The following B4GALNT3 variants were observed in gnomAD, a reference collection of about 807,000 sequenced individuals.
B4GALNT3 encodes the protein beta-1,4-N-acetylgalactosaminyltransferase 3.
Under a neutral mutation model 120.2 loss-of-function variants are expected in B4GALNT3, and 86 were observed. That is an observed-to-expected ratio of 0.72 (90% CI 0.60 to 0.86). The LOEUF (loss-of-function observed/expected upper bound fraction) is 0.86, where lower values mean the gene tolerates loss of function less well. B4GALNT3 is among the 40% of genes least tolerant of loss of function. The probability of loss-of-function intolerance (pLI) is 0.00; values close to 1 mark genes in which losing one functional copy is unlikely to be tolerated. For synonymous variants in B4GALNT3, 518 were observed against 510.4 expected, an observed-to-expected ratio of 1.01 and a Z score of -0.20; for missense variants, 1,167 against 1,298.9, an observed-to-expected ratio of 0.90 and a Z score of 1.56.
chr12:510,649 G>A (rs1402379914), intron 1 of B4GALNT3, among the ~76,000 whole-genome samples: 2 of 152,020 alleles, frequency 1.3e-5, no homozygotes, highest in Non-Finnish European at 2.9e-5. Flanking sequence ...AGGGAGGGGC[G>A]GGGCAAACCC....
rs76938575 is a variant in B4GALNT3, at chr12:507,616, C to T, written c.170-27550C>T. On this transcript the variant is annotated intron_variant, in intron 1 of 19. Transcript: ENST00000266383. Reference sequence around the variant, plus strand: ...ACATCCCTCACCCCACACCCTACGCCCTGCGAGTGGCTCTGTGTTTACATA... The same window carrying T: ...ACATCCCTCACCCCACACCCTACGCTCTGCGAGTGGCTCTGTGTTTACATA... Among the ~76,000 whole-genome samples, 94 of 152,352 alleles carry T rather than the reference C, an allele frequency of 6.2e-4. No homozygotes were observed. In the East Asian group the frequency reaches 0.014, roughly 23 times the overall value.
intron 1 of B4GALNT3, among the ~76,000 whole-genome samples, chr12:511,366 A>C (rs61472199): frequency 0.15 from 3,538 of 23,692 alleles, 12 homozygotes; most frequent in African/African-American, 0.24. Flanking sequence ...TTCCACCTTC[A>C]ACCTTCCGCC....
chr12:460,492 T>C lies in B4GALNT3; in HGVS notation c.116T>C (p.Leu39Pro). 1.3e-6 allele frequency: 2 copies of C among 1,585,760 alleles called. No individual in the cohort carries two copies. Among genetic ancestry groups the C allele is most frequent in the Non-Finnish European group, 1.7e-6 (2 of 1,166,862 alleles). Reference protein sequence around the residue: ...LAVVSVGLWTLYLELVASAQV... With the variant: ...LAVVSVGLWTPYLELVASAQV... Reference sequence around the variant, plus strand: ...GTGGTGTCTGTGGGGCTCTGGACTCTGTATCTGGAACTGGTGGCGTCGGCC... The same window carrying C: ...GTGGTGTCTGTGGGGCTCTGGACTCCGTATCTGGAACTGGTGGCGTCGGCC... Residue 39 changes from leucine to proline, a missense_variant, in exon 1 of 20, where the codon CTG (leucine) becomes CCG (proline). This residue lies in a region of B4GALNT3 where 171 missense variants were observed against 161.3 expected (regional missense o/e 1.06). Coordinates refer to ENST00000266383, the MANE Select transcript of B4GALNT3 (RefSeq NM_173593.4). The surrounding 1 kb of genome is among the most constrained non-coding windows in gnomAD (Gnocchi z 8.0).
chr12:470,490 G>T (rs796965849), intron 1 of B4GALNT3, among the ~76,000 whole-genome samples: 1 of 152,246 alleles, frequency 6.6e-6, no homozygotes, highest in Non-Finnish European at 1.5e-5. Flanking sequence ...GGATGAGGAC[G>T]TGGAGGATTC....
chr12:522,355 T>G (rs776299254), intron 1 of B4GALNT3, among the ~76,000 whole-genome samples: 4 of 152,172 alleles, frequency 2.6e-5, no homozygotes, highest in Non-Finnish European at 5.9e-5. Context: ...TTCTGACACA[T>G]GCCACAACAT....
rs1046069198 is a variant in B4GALNT3 at position 549,633 on chromosome 12, T to A, written c.854-136T>A. On this transcript the variant is annotated intron_variant, in intron 9 of 19. Transcript: ENST00000266383. ...CCGCTGTGGCGGGGGCCAGAGGGAGTGTGGCTGCGCACATCCTACACCGTC... is the reference window on the plus strand; with the variant it reads ...CCGCTGTGGCGGGGGCCAGAGGGAGAGTGGCTGCGCACATCCTACACCGTC... The A allele has an allele frequency of 7.2e-6, 8 of 1,111,254 alleles. No homozygotes were observed. In the South Asian group the frequency reaches 1.1e-4, roughly 15 times the overall value. The allele number at this position is 1,111,254 out of a possible 1,614,324, so 68.8% of individuals were successfully genotyped here.
chr12:511,495 A>ACCTTCCGCCTTCCG (rs1421899034), intron 1 of B4GALNT3, among the ~76,000 whole-genome samples: 6 of 64,760 alleles, frequency 9.3e-5, no homozygotes, highest in Non-Finnish European at 1.1e-4. Context: ...TCCACCTTCC[A>ACCTTCCGCCTTCCG]CCTTCCACCT....
chr12:557,937 TCTTCTATGCCTGCCAA>T, intron 16 of B4GALNT3, 63 bp from the exon 17 acceptor site: 1 of 1,537,950 alleles, frequency 6.5e-7, no homozygotes, highest in Non-Finnish European at 9.0e-7. Flanking sequence ...ACATCATCTC[TCTTCTATGCCTGCCAA>T]CTTCCTCCAG....
intron 1 of B4GALNT3, among the ~76,000 whole-genome samples, chr12:477,939 G>T (rs924985026): frequency 1.2e-4 from 18 of 152,104 alleles, no homozygotes; most frequent in African/African-American, 3.6e-4. Flanking sequence ...CAACAAATAG[G>T]TTCAGAACAT....
At position 553,583 on chromosome 12, in the gene B4GALNT3, G is replaced by A; in HGVS notation, c.1660G>A (p.Asp554Asn). 1 of 1,613,980 alleles carries A rather than the reference G, an allele frequency of 6.2e-7. No individual in the cohort carries two copies. The highest frequency in any genetic ancestry group is 8.5e-7 in the Non-Finnish European group (1 of 1,179,916). Residue 554 changes from aspartate (D) to asparagine (N), a missense_variant, in exon 14 of 20, where the codon GAC (aspartate) becomes AAC (asparagine). Physicochemically the swap from Asp to Asn is conservative, Grantham distance 23. Transcript: ENST00000266383. ...GGGGCCCAGGCCCAGGCCCGCTGGTGACAGCCCCAGGAAGACTCAGTGGCT... is the reference window on the plus strand; with the variant it reads ...GGGGCCCAGGCCCAGGCCCGCTGGTAACAGCCCCAGGAAGACTCAGTGGCT... ...MRGPRPRPAG[D>N]SPRKTQWLNQ...
chr12:548,408 T>C lies in B4GALNT3; in HGVS notation c.853+111T>C. On this transcript the variant is annotated intron_variant, in intron 9 of 19. Transcript: ENST00000266383. The surrounding 1 kb of genome is among the most constrained non-coding windows in gnomAD (Gnocchi z 4.9). ...AGGGGAGGAAGGAAGCTCGAGATGC[T>C]TGGGACACGGGTATGAAGGGGTCCA... 1 of 992,068 alleles carries C rather than the reference T, an allele frequency of 1.0e-6. No homozygotes were observed. The highest frequency in any genetic ancestry group is 1.4e-5 in the South Asian group (1 of 72,962). 61.5% of individuals were successfully genotyped at this position (992,068 alleles called of 1,614,324 possible). A position where few individuals can be genotyped will look rare whatever the true frequency, so the allele number is the denominator to read the frequency against.
intron 1 of B4GALNT3, among the ~76,000 whole-genome samples, chr12:487,755 A>G (rs541366001): frequency 6.6e-6 from 1 of 151,590 alleles, no homozygotes; most frequent in South Asian, 2.1e-4. Context: ...GACCAAGAAG[A>G]ACAGCCTGGG....
intron 14 of B4GALNT3, among the ~76,000 whole-genome samples, chr12:555,828 A>C (rs1036428786): frequency 2.0e-5 from 3 of 151,592 alleles, no homozygotes; most frequent in Non-Finnish European, 4.4e-5. Flanking sequence ...TCTGTCGCCC[A>C]GGCTGGAGTG....
chr12:545,984 ATGAGAGGAGTGGGGAGG>A lies in B4GALNT3; in HGVS notation c.639+531_639+547del, dbSNP rs1322870743. Among the ~76,000 whole-genome samples the A allele has an allele frequency of 2.3e-3, 18 of 7,690 alleles. 1 individual carries two copies. The highest frequency in any genetic ancestry group is 8.9e-3 in the African/African-American group (16 of 1,800). 5.0% of individuals were successfully genotyped at this position (7,690 alleles called of 152,430 possible). On this transcript the variant is annotated intron_variant, in intron 6 of 19. Coordinates refer to ENST00000266383, the MANE Select transcript of B4GALNT3 (RefSeq NM_173593.4). ...GTGGGGAGGTGAGAGGAGTGGGGAGATGAGAGGAGTGGGGAGGTGAGAGGAGTGGGGAAGAGTGAGGA... is the reference window on the plus strand; with the variant it reads ...GTGGGGAGGTGAGAGGAGTGGGGAGATGAGAGGAGTGGGGAAGAGTGAGGA...
chr12:551,091 T>C, intron 11 of B4GALNT3, 60 bp downstream of exon 11: 1 of 1,412,232 alleles, frequency 7.1e-7, no homozygotes, highest in South Asian at 1.2e-5. Context: ...TGCCTGTGAC[T>C]GGGATGGGAG....
At chr12:483,312 A>G (rs541462777) in intron 1 of B4GALNT3, among the ~76,000 whole-genome samples, 2 of 152,342 alleles carry the variant, frequency 1.3e-5, no homozygotes, top group African/African-American at 4.8e-5. Flanking sequence ...AGCTAGAGAA[A>G]AGTGGCCTGT....
Position 541,851 on chromosome 12 carries a change from A to AC in B4GALNT3, c.352-2479dup, listed in dbSNP as rs1362289154. 8.0e-3 allele frequency among the ~76,000 whole-genome samples: 454 copies of AC among 56,788 alleles called. 1 individual carries two copies. Among genetic ancestry groups the AC allele is most frequent in the Admixed American group, 0.018 (106 of 5,920 alleles). 37.3% of individuals were successfully genotyped at this position (56,788 alleles called of 152,430 possible). The stretch of plus-strand genomic sequence containing the variant: ...CCAGTCCCCCCCCTCACCCCCCCCC[A>AC]CCCCCCCCCACCCCCCGGCCTCTGG... On this transcript the variant is annotated intron_variant, in intron 3 of 19. Coordinates refer to ENST00000266383, the MANE Select transcript of B4GALNT3 (RefSeq NM_173593.4).
intron 3 of B4GALNT3, among the ~76,000 whole-genome samples, chr12:541,841 ACC>A (rs371768004): frequency 1.2e-4 from 7 of 59,208 alleles, no homozygotes; most frequent in African/African-American, 2.2e-4. Flanking sequence ...CCCCCCCCTC[ACC>A]CCCCCCCACC....
chr12:528,582 G>A (rs989701555), intron 1 of B4GALNT3, among the ~76,000 whole-genome samples: 1 of 152,222 alleles, frequency 6.6e-6, no homozygotes, highest in Non-Finnish European at 1.5e-5. Context: ...GCCTGGCTCT[G>A]CCATTGGAGC....
Sources: gnomAD v4.1 joint callset for allele counts (sites outside exome capture counted in the v4.1 genomes callset) on GRCh38, gnomAD v4.1.1 for gene constraint, gnomAD v4.1.1 regional missense constraint, Gnocchi (gnomAD v3.1) non-coding constraint, MANE v1.5 for transcripts, NCBI Gene and HGNC (gene_info 2026-07-23, HGNC 2026-07-21) for gene names.